The following PLPPR1 variants were observed in gnomAD, a reference collection of about 807,000 sequenced individuals.
PLPPR1 encodes the protein phospholipid phosphatase related 1, also known as phospholipid phosphatase-related protein type 1.
Under a neutral mutation model 33.1 loss-of-function variants are expected in PLPPR1, and 10 were observed. The observed-to-expected ratio is 0.30, with a 90% confidence interval of 0.19 to 0.51. The LOEUF is 0.51. PLPPR1 is among the 20% of genes least tolerant of loss of function. PLPPR1 has a pLI of 0.97. For synonymous variants in PLPPR1, 151 were observed against 151.0 expected, an observed-to-expected ratio of 1.00 and a Z score of 0.00; for missense variants, 304 against 408.1, an observed-to-expected ratio of 0.74 and a Z score of 2.20.
rs543643472 is a variant in PLPPR1, at chr9:101,136,845, G to T, written c.-45-48605G>T. ...CAGTGGACAGGGGTGAGAGATGTGG[G>T]AATGGTTAATGGGTCTAAAAATATA... On this transcript the variant is annotated intron_variant, in intron 1 of 7. Coordinates refer to ENST00000374874, the MANE Select transcript of PLPPR1 (RefSeq NM_207299.2). Among the ~76,000 whole-genome samples the T allele has an allele frequency of 4.6e-5, 7 of 152,248 alleles. No homozygotes were observed. The South Asian group carries it at 1.5e-3, about 32-fold the overall frequency.
intron 1 of PLPPR1, among the ~76,000 whole-genome samples, chr9:101,052,350 A>G (rs971749230): frequency 6.6e-6 from 1 of 152,178 alleles, no homozygotes; most frequent in Non-Finnish European, 1.5e-5. Flanking sequence ...AGCTGCCACA[A>G]TGGGGGAAGG....
intron 2 of PLPPR1, among the ~76,000 whole-genome samples, chr9:101,196,304 A>C (rs1434269869): frequency 6.6e-6 from 1 of 152,234 alleles, no homozygotes; most frequent in African/African-American, 2.4e-5. Context: ...AGGATGAAAT[A>C]TAAAATGGCA....
intron 2 of PLPPR1, among the ~76,000 whole-genome samples, chr9:101,231,383 G>A (rs1471532416): frequency 6.8e-6 from 1 of 148,130 alleles, no homozygotes. Context: ...TTTTAGTTTT[G>A]GTTTCTTTCT....
chr9:101,153,424 A>G (rs1230406791), intron 1 of PLPPR1, among the ~76,000 whole-genome samples: 9 of 152,108 alleles, frequency 5.9e-5, no homozygotes, highest in African/African-American at 2.2e-4. Context: ...AACTTCCAAC[A>G]CTATGTTGAA....
At chr9:101,190,147 G>T (rs1252047252) in intron 2 of PLPPR1, among the ~76,000 whole-genome samples, 2 of 152,070 alleles carry the variant, frequency 1.3e-5, no homozygotes, top group African/African-American at 4.8e-5. Flanking sequence ...ATCTTTCCTT[G>T]TAGTCTTCCT....
intron 2 of PLPPR1, among the ~76,000 whole-genome samples, chr9:101,190,906 A>G (rs1457188752): frequency 1.1e-4 from 16 of 152,196 alleles, no homozygotes; most frequent in African/African-American, 3.1e-4. Flanking sequence ...ATCAAGAAGT[A>G]TATGTAATGG....
chr9:101,040,997 G>A (rs1238464869), intron 1 of PLPPR1, among the ~76,000 whole-genome samples: 2 of 152,180 alleles, frequency 1.3e-5, no homozygotes, highest in Admixed American at 1.3e-4. Context: ...GAGAGCAAGA[G>A]AACATCTAAA....
intron 2 of PLPPR1, among the ~76,000 whole-genome samples, chr9:101,199,860 C>A (rs1023099550): frequency 6.6e-6 from 1 of 152,132 alleles, no homozygotes. Context: ...TGAACCCAAC[C>A]ACTGATTTTA....
At chr9:101,102,506 T>C (rs1280801313) in intron 1 of PLPPR1, among the ~76,000 whole-genome samples, 1 of 90,596 alleles carries the variant, frequency 1.1e-5, no homozygotes, top group Non-Finnish European at 2.1e-5. Context: ...TAATATTCCA[T>C]GGTGTATATG....
In PLPPR1 at chr9:101,316,616, C is replaced by CAAA. The variant is rs553324474; in HGVS notation, c.814-739_814-737dup. ...AGGGAAAAGGAGGGTTCTTCTTGGGCAAAAAAAAAAAAGCAGGGAAGATGG... is the reference window on the plus strand; with the variant it reads ...AGGGAAAAGGAGGGTTCTTCTTGGGCAAAAAAAAAAAAAAAGCAGGGAAGATGG... On this transcript the variant is annotated intron_variant, in intron 6 of 7. Coordinates refer to ENST00000374874, the MANE Select transcript of PLPPR1 (RefSeq NM_207299.2). Among the ~76,000 whole-genome samples the CAAA allele has an allele frequency of 1.1e-3, 94 of 82,582 alleles. 20 individuals are homozygous for CAAA. The highest frequency in any genetic ancestry group is 4.2e-3 in the African/African-American group (73 of 17,246). The allele number at this position is 82,582 out of a possible 152,430, so 54.2% of individuals were successfully genotyped here. A position where few individuals can be genotyped will look rare whatever the true frequency, so the allele number is the denominator to read the frequency against.
intron 2 of PLPPR1, among the ~76,000 whole-genome samples, chr9:101,223,365 G>A (rs1262303887): frequency 2.6e-5 from 4 of 151,264 alleles, no homozygotes; most frequent in South Asian, 2.1e-4. Context: ...TGGGGAAATC[G>A]TGCTATATTT....
At chr9:101,310,953 C>A (rs1179229559) in intron 5 of PLPPR1, among the ~76,000 whole-genome samples, 3 of 152,090 alleles carry the variant, frequency 2.0e-5, no homozygotes, top group South Asian at 2.1e-4. Flanking sequence ...AAAACAAAAC[C>A]AAACCAAAAA....
chr9:101,192,433 G>C (rs1239269110), intron 2 of PLPPR1, among the ~76,000 whole-genome samples: 1 of 152,122 alleles, frequency 6.6e-6, no homozygotes, highest in Non-Finnish European at 1.5e-5. Flanking sequence ...TCCTGGCTCT[G>C]CCATTTATTG....
At chr9:101,111,760 AC>A (rs1462467945) in intron 1 of PLPPR1, among the ~76,000 whole-genome samples, 1 of 152,106 alleles carries the variant, frequency 6.6e-6, no homozygotes, top group African/African-American at 2.4e-5. Context: ...AGTCTCTCTG[AC>A]CCCACAGCAG....
At chr9:101,220,465 T>A (rs2118788645) in intron 2 of PLPPR1, among the ~76,000 whole-genome samples, 1 of 152,334 alleles carries the variant, frequency 6.6e-6, no homozygotes, top group South Asian at 2.1e-4. Flanking sequence ...CTTTACCTAA[T>A]CTTATAGTCC....
At chr9:101,232,204 A>G (rs1297164765) in intron 2 of PLPPR1, among the ~76,000 whole-genome samples, 4 of 152,012 alleles carry the variant, frequency 2.6e-5, no homozygotes, top group Non-Finnish European at 5.9e-5. Flanking sequence ...CTTCGAAAGT[A>G]AACAACTGAT....
chr9:101,204,483 G>A lies in PLPPR1; in HGVS notation c.63+18926G>A, dbSNP rs546273159. Among the ~76,000 whole-genome samples the A allele has an allele frequency of 1.2e-4, 18 of 152,268 alleles. 1 individual carries two copies. In the South Asian group the frequency reaches 3.7e-3, roughly 32 times the overall value. ...GCTGATGTTTAGGTGAAGATGCTGA[G>A]TATGATTAGCTCTGATTTTAAGTTC... On this transcript the variant is annotated intron_variant, in intron 2 of 7. Coordinates refer to ENST00000374874, the MANE Select transcript of PLPPR1 (RefSeq NM_207299.2).
intron 4 of PLPPR1, among the ~76,000 whole-genome samples, chr9:101,303,108 T>C (rs573139242): frequency 1.3e-5 from 2 of 151,892 alleles, no homozygotes; most frequent in African/African-American, 4.8e-5. Flanking sequence ...TGCCTCAGCC[T>C]CCTGAGTAGC....
At chr9:101,197,568 G>T (rs1826420243) in intron 2 of PLPPR1, among the ~76,000 whole-genome samples, 1 of 152,168 alleles carries the variant, frequency 6.6e-6, no homozygotes, top group South Asian at 2.1e-4. Flanking sequence ...AACCTCTCCA[G>T]TCCAACCGGG....
Sources: allele counts gnomAD v4.1 joint callset (sites outside exome capture counted in the v4.1 genomes callset), GRCh38; gene constraint gnomAD v4.1.1; transcripts MANE v1.5; gene names NCBI Gene and HGNC (gene_info 2026-07-23, HGNC 2026-07-21).